FBXL2: variants seen among roughly 807,000 people sequenced by gnomAD.
FBXL2 encodes F-box/LRR-repeat protein 2.
Under a neutral mutation model 69.2 loss-of-function variants are expected in FBXL2, and 38 were observed. The ratio of observed to expected loss-of-function variants is 0.55; its 90% CI spans 0.42 to 0.72. FBXL2 has a LOEUF of 0.72. Among genes scored for constraint, FBXL2 ranks in the 30% least tolerant of loss-of-function variants. FBXL2 has a pLI of 0.00. For synonymous variants in FBXL2, 192 were observed against 201.3 expected (o/e 0.95, Z 0.39); for missense variants, 354 against 520.3 (o/e 0.68, Z 3.11).
At chr3:33,360,216 G>T (rs978757918) in intron 4 of FBXL2, among the ~76,000 whole-genome samples, 12 of 151,298 alleles carry the variant, frequency 7.9e-5, no homozygotes, top group Admixed American at 1.3e-4. Flanking sequence ...GTATATATTG[G>T]TTTTTTTTTG....
chr3:33,407,164 A>G (rs1010622307), downstream of FBXL2, among the ~76,000 whole-genome samples: 4 of 152,196 alleles, frequency 2.6e-5, no homozygotes, highest in Non-Finnish European at 5.9e-5. Flanking sequence ...AAAGCATCTG[A>G]ACAAAATCAA....
chr3:33,366,189 G>T (rs1158823818), intron 5 of FBXL2, among the ~76,000 whole-genome samples: 2 of 151,900 alleles, frequency 1.3e-5, no homozygotes, highest in East Asian at 3.9e-4. Flanking sequence ...CACTTGAATT[G>T]CCATGTATTA....
the FBXL2 span, among the ~76,000 whole-genome samples, chr3:33,412,451 C>T: frequency 2.0e-5 from 3 of 151,842 alleles, no homozygotes; most frequent in South Asian, 2.1e-4. Context: ...GGCATGGTGG[C>T]GCGCACCTGC....
chr3:33,380,825 T>C (rs2043004151), intron 13 of FBXL2, among the ~76,000 whole-genome samples: 3 of 152,180 alleles, frequency 2.0e-5, no homozygotes, highest in African/African-American at 7.2e-5. Context: ...AGCTGCTCGC[T>C]TCCAGAATGC....
intron 1 of FBXL2, among the ~76,000 whole-genome samples, chr3:33,288,945 G>T (rs2034940222): frequency 6.6e-6 from 1 of 152,222 alleles, no homozygotes; most frequent in South Asian, 2.1e-4. Context: ...ATTAGCTGAT[G>T]GATTGGTTAT....
At chr3:33,419,412 G>C in the FBXL2 span, among the ~76,000 whole-genome samples, 1 of 151,956 alleles carries the variant, frequency 6.6e-6, no homozygotes, top group Non-Finnish European at 1.5e-5. Flanking sequence ...GGCGGATCAC[G>C]AGGTCAGGAG....
chr3:33,283,668 T>C (rs527677006), intron 1 of FBXL2, among the ~76,000 whole-genome samples: 81 of 152,272 alleles, frequency 5.3e-4, no homozygotes, highest in African/African-American at 1.7e-3. Context: ...GCTGTGAATC[T>C]GTCTGGTCCT....
intron 4 of FBXL2, among the ~76,000 whole-genome samples, chr3:33,361,485 TGG>T (rs997020570): frequency 1.3e-5 from 2 of 152,132 alleles, no homozygotes; most frequent in African/African-American, 4.8e-5. Flanking sequence ...CACTCTAGCC[TGG>T]GTGACAGAGT....
intron 12 of FBXL2, chr3:33,396,717 T>C (rs1185483135): frequency 1.9e-6 from 1 of 528,256 alleles, no homozygotes; most frequent in East Asian, 4.8e-5. Context: ...GTCATGACCT[T>C]GAAAACCATA....
intron 2 of FBXL2, among the ~76,000 whole-genome samples, chr3:33,316,888 C>G (rs200003740): frequency 2.9e-5 from 3 of 103,558 alleles, no homozygotes; most frequent in Non-Finnish European, 6.2e-5. Context: ...ATAGAATTTT[C>G]TCTGTTTTTC....
chr3:33,292,741 A>G (rs2035363344), intron 1 of FBXL2, among the ~76,000 whole-genome samples: 1 of 152,164 alleles, frequency 6.6e-6, no homozygotes, highest in Non-Finnish European at 1.5e-5. Context: ...ATAAAAAAAA[A>G]ACAAGCAAAA....
rs146570080 is a variant in FBXL2, at chr3:33,384,051, T to C, written c.1014T>C (p.Cys338=). ...DGILHLSNST[C]GHERLRVLEL... Reference sequence around the variant, plus strand: ...TCCTGCACCTGAGCAACAGTACCTGTGGCCATGAGAGGCTGCGGGTACTGG... The same window carrying C: ...TCCTGCACCTGAGCAACAGTACCTGCGGCCATGAGAGGCTGCGGGTACTGG... Residue 338 remains cysteine (C), a synonymous_variant, in exon 14 of 15, where the codon TGT becomes TGC. Coordinates refer to ENST00000484457, the MANE Select transcript of FBXL2 (RefSeq NM_012157.5). The C allele has an allele frequency of 2.1e-3, 3,437 of 1,614,184 alleles. 11 individuals are homozygous for C. Among genetic ancestry groups the C allele is most frequent in the Non-Finnish European group, 2.5e-3 (2,907 of 1,180,016 alleles).
chr3:33,279,143 T>C (rs2033668584), intron 1 of FBXL2, among the ~76,000 whole-genome samples: 1 of 152,238 alleles, frequency 6.6e-6, no homozygotes, highest in East Asian at 1.9e-4. Flanking sequence ...CTTTAAGCAT[T>C]AAGAATTTAA....
chr3:33,329,903 C>G (rs2125823852), intron 2 of FBXL2, among the ~76,000 whole-genome samples: 1 of 152,142 alleles, frequency 6.6e-6, no homozygotes, highest in Admixed American at 6.5e-5. Flanking sequence ...TAAGCAAGCC[C>G]AGGAGTTCAA....
intron 2 of FBXL2, among the ~76,000 whole-genome samples, chr3:33,346,987 G>A (rs1004360192): frequency 1.3e-5 from 2 of 152,110 alleles, no homozygotes; most frequent in African/African-American, 4.8e-5. Context: ...TTATACTCTT[G>A]TATGTTTAAG....
chr3:33,408,331 A>C (rs546585806), downstream of FBXL2, among the ~76,000 whole-genome samples: 1 of 152,340 alleles, frequency 6.6e-6, no homozygotes, highest in African/African-American at 2.4e-5. Context: ...AATTTACTAA[A>C]GAAAGTATTT....
chr3:33,364,599 TTCC>T, intron 4 of FBXL2, 23 bp from the exon 5 acceptor site: 1 of 1,598,886 alleles, frequency 6.3e-7, no homozygotes, highest in Non-Finnish European at 8.6e-7. Context: ...ACAGTATTTT[TTCC>T]TCCCGAACTT....
At chr3:33,383,694 C>G in intron 13 of FBXL2, 1 of 361,038 alleles carries the variant, frequency 2.8e-6, no homozygotes, top group Non-Finnish European at 5.2e-6. Flanking sequence ...GAAGCCACTC[C>G]CAGTGTAGCA....
intron 1 of FBXL2, among the ~76,000 whole-genome samples, chr3:33,288,976 G>T (rs1196244148): frequency 2.0e-5 from 3 of 152,188 alleles, no homozygotes. Flanking sequence ...TGATTTTGAT[G>T]ATTTGAGCCT....
Sources: allele counts gnomAD v4.1 joint callset (sites outside exome capture counted in the v4.1 genomes callset), GRCh38; gene constraint gnomAD v4.1.1; transcripts MANE v1.5; gene names NCBI Gene and HGNC (gene_info 2026-07-23, HGNC 2026-07-21).